FLNB: variants seen among roughly 807,000 people sequenced by gnomAD.
The protein encoded by FLNB is filamin B.
FLNB carries 111 observed loss-of-function variants against 250.6 expected under a neutral mutation model. The observed-to-expected ratio is 0.44, with a 90% CI of 0.38 to 0.52. The LOEUF is 0.52. Among genes scored for constraint, FLNB ranks in the 20% least tolerant of loss-of-function variants. The probability of loss-of-function intolerance (pLI) is 0.00; values close to 1 mark genes in which losing one functional copy is unlikely to be tolerated. For missense variants in FLNB, 2,869 were observed against 3,447.8 expected, an observed-to-expected ratio of 0.83 and a Z score of 4.20; for synonymous variants, 1,302 against 1,372.1, an observed-to-expected ratio of 0.95 and a Z score of 1.13.
chr3:58,009,008 C>A, intron 1 of FLNB, 152 bp downstream of exon 1: 1 of 870,862 alleles, frequency 1.1e-6, no homozygotes, highest in Non-Finnish European at 1.8e-6. Context: ...GGGGCCTAGA[C>A]CCCCTCCCCG....
intron 25 of FLNB, 52 bp from the exon 26 acceptor site, chr3:58,132,756 G>A (rs2097309562): frequency 6.2e-7 from 1 of 1,612,436 alleles, no homozygotes; most frequent in African/African-American, 1.3e-5. Context: ...AGCCAAGGGT[G>A]GAGTAAAGGT....
At chr3:58,056,182 A>ACCT (rs2097170299) in intron 1 of FLNB, among the ~76,000 whole-genome samples, 3 of 147,794 alleles carry the variant, frequency 2.0e-5, no homozygotes, top group Non-Finnish European at 4.5e-5. Flanking sequence ...GCTCACTACT[A>ACCT]CCTCCTCCTC....
intron 1 of FLNB, among the ~76,000 whole-genome samples, chr3:58,039,520 C>T (rs1002499870): frequency 6.6e-6 from 1 of 152,124 alleles, no homozygotes; most frequent in African/African-American, 2.4e-5. Flanking sequence ...GTCACCACCC[C>T]CCTTGCCTTG....
At chr3:58,170,176 C>T (rs990709759) in intron 45 of FLNB, among the ~76,000 whole-genome samples, 10 of 152,132 alleles carry the variant, frequency 6.6e-5, no homozygotes, top group Non-Finnish European at 1.5e-4. Flanking sequence ...TCGGAAGTAC[C>T]TTCCTTAAGG....
chr3:58,108,037 T>G (rs1296158212), intron 12 of FLNB, among the ~76,000 whole-genome samples: 1 of 152,088 alleles, frequency 6.6e-6, no homozygotes, highest in Non-Finnish European at 1.5e-5. Context: ...TTCCAATATT[T>G]TGCCTTCCCT....
intron 3 of FLNB, among the ~76,000 whole-genome samples, chr3:58,080,558 G>A (rs545081300): frequency 8.1e-5 from 12 of 148,722 alleles, no homozygotes; most frequent in Non-Finnish European, 1.0e-4. Flanking sequence ...GCAGTGGCAC[G>A]ATCTCAGCTC....
chr3:58,117,568 A>G (rs1404453602), intron 18 of FLNB, among the ~76,000 whole-genome samples: 1 of 152,166 alleles, frequency 6.6e-6, no homozygotes, highest in African/African-American at 2.4e-5. Flanking sequence ...AAGAGTTGGC[A>G]CGTTGGGAAT....
intron 34 of FLNB, among the ~76,000 whole-genome samples, chr3:58,147,420 T>C (rs1280018711): frequency 6.6e-5 from 10 of 152,218 alleles, no homozygotes; most frequent in African/African-American, 2.2e-4. Context: ...AGTTCACATA[T>C]AGGTAAACAG....
At position 58,154,779 on chromosome 3, in the gene FLNB, C is replaced by G; in HGVS notation, c.6635-12C>G. 1 of 1,613,750 alleles carries G rather than the reference C, an allele frequency of 6.2e-7. No homozygotes were observed. Among genetic ancestry groups the G allele is most frequent in the East Asian group, 2.2e-5 (1 of 44,842 alleles). On this transcript the variant is annotated splice_polypyrimidine_tract_variant and intron_variant, in intron 39 of 45. Transcript: ENST00000295956. ...GGGCTCAGTCACTAACCAGGTTTCT[C>G]TTTGCTCTCAGCTGAGTTCAGCATT...
At chr3:58,099,303 A>G (rs756841776) in intron 8 of FLNB, among the ~76,000 whole-genome samples, 1 of 152,132 alleles carries the variant, frequency 6.6e-6, no homozygotes, top group African/African-American at 2.4e-5. Flanking sequence ...CCATGACTGC[A>G]TCTAATCATT....
At chr3:58,163,035 C>G in intron 42 of FLNB, 119 bp from the exon 43 acceptor site, 1 of 999,022 alleles carries the variant, frequency 1.0e-6, no homozygotes, top group Non-Finnish European at 1.6e-6. Context: ...TGCCAGGCTC[C>G]CTGTAGAACT....
chr3:58,046,304 T>G (rs1318097869), intron 1 of FLNB, among the ~76,000 whole-genome samples: 1 of 152,026 alleles, frequency 6.6e-6, no homozygotes, highest in East Asian at 1.9e-4. Flanking sequence ...GCTAGAGGAA[T>G]TTATAGGAAT....
At chr3:58,037,497 G>C (rs1369201051) in intron 1 of FLNB, among the ~76,000 whole-genome samples, 1 of 152,188 alleles carries the variant, frequency 6.6e-6, no homozygotes. Context: ...GCCTCCCGCT[G>C]CCTCCTCTTG....
chr3:58,086,172 T>A lies in FLNB; in HGVS notation c.787+4396T>A, dbSNP rs63592561. Among the ~76,000 whole-genome samples, 26 of 141,086 alleles carry A rather than the reference T, an allele frequency of 1.8e-4. No individual in the cohort carries two copies. The South Asian group carries it at 4.4e-3, about 24-fold the overall frequency. The allele number at this position is 141,086 out of a possible 152,430, so 92.6% of individuals were successfully genotyped here. On this transcript the variant is annotated intron_variant, in intron 4 of 45. Transcript: ENST00000295956. ...CACCATGTCCAGCTTTTTTTTTTTT[T>A]AATATTTTAGTTTGAGACCAGCCTG...
intron 1 of FLNB, among the ~76,000 whole-genome samples, chr3:58,034,129 GGGATTAT>G (rs1385612590): frequency 5.3e-5 from 8 of 152,198 alleles, no homozygotes; most frequent in Admixed American, 2.6e-4. Context: ...CCAAAGTGCA[GGGATTAT>G]AGGTGTGAGC....
chr3:58,008,756 C>G lies in FLNB; in HGVS notation c.192C>G (p.Arg64=). The change falls in exon 1 of 46, where the codon CGC becomes CGG. Residue 64 remains arginine (R), a synonymous_variant. Transcript: ENST00000295956. ...TGCTCAGCCAGAAGCGCATGTACCG[C>G]AAGTACCATCAGCGGCCCACCTTTC... ...LEVLSQKRMY[R]KYHQRPTFRQ... 3 of 1,614,060 alleles carry G rather than the reference C, an allele frequency of 1.9e-6. No homozygotes were observed. Among genetic ancestry groups the G allele is most frequent in the Non-Finnish European group, 2.5e-6 (3 of 1,179,942 alleles).
chr3:58,166,950 A>G lies in FLNB; in HGVS notation c.7199-1490A>G, dbSNP rs2097371706. On this transcript the variant is annotated intron_variant, in intron 43 of 45. Coordinates refer to ENST00000295956, the MANE Select transcript of FLNB (RefSeq NM_001457.4). ...AGACCAGCCTGGCCAACATGGTGAG[A>G]CCCCATCTCTACTAAAGAAATACAA... Among the ~76,000 whole-genome samples, 6 of 152,034 alleles carry G rather than the reference A, an allele frequency of 3.9e-5. No homozygotes were observed. In the South Asian group the frequency reaches 1.2e-3, roughly 32 times the overall value.
intron 1 of FLNB, among the ~76,000 whole-genome samples, chr3:58,015,151 T>G (rs1427101463): frequency 6.6e-6 from 1 of 152,262 alleles, no homozygotes; most frequent in African/African-American, 2.4e-5. Context: ...TGATACCAGC[T>G]GTGCAACTCT....
intron 2 of FLNB, chr3:58,078,385 G>A (rs1206534863): frequency 1.3e-6 from 2 of 1,525,424 alleles, no homozygotes; most frequent in South Asian, 1.2e-5. Flanking sequence ...CAGGAATAGA[G>A]TAAAAAATAA....
Sources: gnomAD v4.1 joint callset for allele counts (sites outside exome capture counted in the v4.1 genomes callset) on GRCh38, gnomAD v4.1.1 for gene constraint, MANE v1.5 for transcripts, NCBI Gene and HGNC (gene_info 2026-07-23, HGNC 2026-07-21) for gene names.